Variants in HDAC9 observed in about 807,000 individuals in gnomAD.
HDAC9 encodes the protein histone deacetylase 9, also known as MEF-2 interacting transcription repressor (MITR) protein.
A neutral mutation model predicts 139.4 loss-of-function variants in HDAC9; 41 were observed. The observed-to-expected ratio is 0.29, with a 90% CI of 0.23 to 0.38. The LOEUF is 0.38. Among genes scored for constraint, HDAC9 ranks in the 10% least tolerant of loss-of-function variants. HDAC9 has a pLI of 1.00. For missense variants in HDAC9, 1,147 were observed against 1,297.0 expected, an observed-to-expected ratio of 0.88 and a Z score of 1.78; for synonymous variants, 517 against 476.2, an observed-to-expected ratio of 1.09 and a Z score of -1.12.
chr7:18,350,490 G>A (rs1370451522), intron 1 of HDAC9, among the ~76,000 whole-genome samples: 5 of 152,058 alleles, frequency 3.3e-5, no homozygotes, highest in African/African-American at 1.2e-4. Flanking sequence ...CTCTTTGTGT[G>A]TTTTCTTCCT....
chr7:18,475,794 C>T (rs909440590), intron 1 of HDAC9, among the ~76,000 whole-genome samples: 1 of 152,208 alleles, frequency 6.6e-6, no homozygotes, highest in Non-Finnish European at 1.5e-5. Flanking sequence ...CTGTAAATGT[C>T]AGTCATAAAC....
chr7:18,457,054 G>C (rs1312992300), intron 1 of HDAC9, among the ~76,000 whole-genome samples: 2 of 152,168 alleles, frequency 1.3e-5, no homozygotes, highest in Admixed American at 6.6e-5. Context: ...TGGAGCTCAA[G>C]TGCCTACCTT....
At chr7:18,211,560 C>T (rs189081012) in intron 2 of HDAC9, among the ~76,000 whole-genome samples, 6 of 152,242 alleles carry the variant, frequency 3.9e-5, no homozygotes, top group African/African-American at 7.2e-5. Context: ...ACAAAATTAT[C>T]GAGACATCCA....
chr7:18,231,163 G>T (rs1481831167), intron 2 of HDAC9, among the ~76,000 whole-genome samples: 1 of 152,152 alleles, frequency 6.6e-6, no homozygotes, highest in East Asian at 1.9e-4. Flanking sequence ...GTTTCCAGGA[G>T]CCTTAGCTGG....
chr7:18,438,689 GTGTC>G (rs1471039138), intron 1 of HDAC9, among the ~76,000 whole-genome samples: 5 of 151,548 alleles, frequency 3.3e-5, no homozygotes, highest in Non-Finnish European at 5.9e-5. Context: ...ATTATATAAT[GTGTC>G]TGTGTGTGTG....
At chr7:18,355,428 T>G (rs548965279) in intron 1 of HDAC9, among the ~76,000 whole-genome samples, 1 of 152,286 alleles carries the variant, frequency 6.6e-6, no homozygotes, top group East Asian at 1.9e-4. Context: ...TTTTAATAAG[T>G]TCATTATTAA....
intron 17 of HDAC9, among the ~76,000 whole-genome samples, chr7:18,796,514 A>G (rs1792813251): frequency 6.6e-6 from 1 of 152,244 alleles, no homozygotes; most frequent in South Asian, 2.1e-4. Context: ...AGACCTGCTC[A>G]GTGGAGCTCA....
At chr7:18,632,111 T>G (rs1782538358) in intron 7 of HDAC9, among the ~76,000 whole-genome samples, 1 of 151,950 alleles carries the variant, frequency 6.6e-6, no homozygotes, top group Non-Finnish European at 1.5e-5. Context: ...AGTCATATTG[T>G]AAAGACGAGA....
intron 1 of HDAC9, among the ~76,000 whole-genome samples, chr7:18,467,117 A>G (rs550872620): frequency 1.3e-5 from 2 of 152,302 alleles, no homozygotes; most frequent in South Asian, 2.1e-4. Flanking sequence ...TTCACAGTCA[A>G]ATAAACTTTA....
intron 20 of HDAC9, 90 bp downstream of exon 20, chr7:18,835,676 T>G: frequency 6.5e-7 from 1 of 1,542,972 alleles, no homozygotes; most frequent in Non-Finnish European, 9.0e-7. Flanking sequence ...TGTCCTTTGC[T>G]GGTGTTTTAA....
At chr7:18,484,380 C>A (rs1004932774) in intron 1 of HDAC9, among the ~76,000 whole-genome samples, 1 of 151,402 alleles carries the variant, frequency 6.6e-6, no homozygotes, top group Non-Finnish European at 1.5e-5. Flanking sequence ...ACAAAGGTAG[C>A]CCCATTATCA....
intron 22 of HDAC9, chr7:18,892,145 A>T (rs1346713111): frequency 6.6e-6 from 1 of 152,122 alleles, no homozygotes; most frequent in Non-Finnish European, 1.5e-5. Context: ...GAAATAGGAG[A>T]CCTGCGTTCT....
chr7:18,356,372 T>TG (rs1267782350), intron 1 of HDAC9, among the ~76,000 whole-genome samples: 1 of 143,842 alleles, frequency 7.0e-6, no homozygotes, highest in Non-Finnish European at 1.5e-5. Context: ...TTTTTTTTTT[T>TG]TTTTTTTTTT....
chr7:18,236,463 A>G (rs185600333), intron 2 of HDAC9, among the ~76,000 whole-genome samples: 5 of 152,330 alleles, frequency 3.3e-5, no homozygotes, highest in African/African-American at 1.2e-4. Context: ...ATTAGATTGC[A>G]TTTACTTGAA....
intron 16 of HDAC9, among the ~76,000 whole-genome samples, chr7:18,783,661 C>CT (rs11348285): frequency 0.042 from 5,560 of 132,278 alleles, 120 homozygotes; most frequent in African/African-American, 0.071. Flanking sequence ...TCTGCTGAGA[C>CT]TTTTTTTTTT....
At chr7:18,483,884 T>C (rs1334807879) in intron 1 of HDAC9, among the ~76,000 whole-genome samples, 2 of 152,124 alleles carry the variant, frequency 1.3e-5, no homozygotes, top group African/African-American at 4.8e-5. Context: ...ATTTTAATCT[T>C]TCTGTTTTCT....
chr7:18,772,886 A>T (rs1388368149), intron 16 of HDAC9, among the ~76,000 whole-genome samples: 1 of 152,086 alleles, frequency 6.6e-6, no homozygotes, highest in Admixed American at 6.6e-5. Flanking sequence ...AAGTCAGGGA[A>T]TTCCTTCTAA....
In HDAC9 at chr7:18,310,737, T is replaced by G. The variant is rs149989174; in HGVS notation, c.-42+20222T>G. On this transcript the variant is annotated intron_variant, in intron 1 of 3. Coordinates refer to the HDAC9 transcript ENST00000413509. ...ATAGACATCATACAGCATTGTTAAC[T>G]TACAGCTATAGAATCAGGGGAAAGA... 8.8e-4 allele frequency among the ~76,000 whole-genome samples: 134 copies of G among 151,640 alleles called. 1 individual carries two copies. The highest frequency in any genetic ancestry group is 3.1e-3 in the African/African-American group (129 of 41,322).
Position 18,169,791 on chromosome 7 carries a change from C to G in HDAC9, c.25+7442C>G, listed in dbSNP as rs112282961. Among the ~76,000 whole-genome samples, 45 of 152,258 alleles carry G rather than the reference C, an allele frequency of 3.0e-4. 1 individual carries two copies. Among genetic ancestry groups the G allele is most frequent in the African/African-American group, 1.1e-3 (45 of 41,552 alleles). On this transcript the variant is annotated intron_variant, in intron 2 of 12. Coordinates refer to the HDAC9 transcript ENST00000417496. Reference sequence around the variant, plus strand: ...CATATCCATGCAAAGGACATGAACTCATCCTTTTTATGGCTGCATAGTATT... The same window carrying G: ...CATATCCATGCAAAGGACATGAACTGATCCTTTTTATGGCTGCATAGTATT...
Sources: allele counts gnomAD v4.1 joint callset (sites outside exome capture counted in the v4.1 genomes callset), GRCh38; gene constraint gnomAD v4.1.1; transcripts MANE v1.5; gene names NCBI Gene and HGNC (gene_info 2026-07-23, HGNC 2026-07-21).